THEMIS: variants seen among roughly 807,000 people sequenced by gnomAD.
THEMIS encodes the protein protein THEMIS.
THEMIS carries 37 observed loss-of-function variants against 52.6 expected under a neutral mutation model. That is an observed-to-expected ratio of 0.70 (90% CI 0.54 to 0.93). THEMIS has a LOEUF of 0.93. Ranked by LOEUF, THEMIS falls within the 40% of genes least tolerant of loss-of-function variation. The pLI is 0.00. For synonymous variants in THEMIS, 292 were observed against 272.7 expected (o/e 1.07, Z -0.70); for missense variants, 808 against 763.1 (o/e 1.06, Z -0.69).
chr6:127,906,675 A>G (rs1418856750), intron 1 of THEMIS, among the ~76,000 whole-genome samples: 1 of 151,800 alleles, frequency 6.6e-6, no homozygotes, highest in Non-Finnish European at 1.5e-5. Context: ...TTCCTGTTGG[A>G]AAAAAAATAT....
At chr6:127,869,991 G>A (rs1410463834) in intron 1 of THEMIS, among the ~76,000 whole-genome samples, 1 of 152,010 alleles carries the variant, frequency 6.6e-6, no homozygotes, top group East Asian at 1.9e-4. Flanking sequence ...TTTTTTGCTT[G>A]GGTGGTGTCA....
At chr6:127,798,275 T>C (rs1295885325) in intron 4 of THEMIS, among the ~76,000 whole-genome samples, 3 of 152,248 alleles carry the variant, frequency 2.0e-5, no homozygotes, top group Admixed American at 2.0e-4. Flanking sequence ...ACAGTGGATC[T>C]TATTTTAAAG....
At chr6:127,847,294 C>A (rs1442243672) in intron 2 of THEMIS, among the ~76,000 whole-genome samples, 1 of 151,742 alleles carries the variant, frequency 6.6e-6, no homozygotes. Context: ...AGCAATTAGA[C>A]CAGAGAAAGA....
upstream of THEMIS, chr6:127,901,068 G>T (rs41285274): frequency 1.5e-5 from 11 of 714,178 alleles, no homozygotes; most frequent in Non-Finnish European, 2.2e-5. Flanking sequence ...CAGCCAGAGT[G>T]GGGTGGAGTA....
At chr6:127,837,124 T>C (rs1051979786) in intron 2 of THEMIS, among the ~76,000 whole-genome samples, 2 of 152,058 alleles carry the variant, frequency 1.3e-5, no homozygotes, top group African/African-American at 4.8e-5. Flanking sequence ...CAGCCCTGGA[T>C]ATGGCCGTCC....
intron 2 of THEMIS, among the ~76,000 whole-genome samples, chr6:127,841,748 T>C (rs961589868): frequency 6.6e-6 from 1 of 151,986 alleles, no homozygotes; most frequent in African/African-American, 2.4e-5. Context: ...GAAATAGATC[T>C]TAAAATTATT....
intron 4 of THEMIS, among the ~76,000 whole-genome samples, chr6:127,730,448 CGAAA>C (rs3057171): frequency 0.57 from 73,407 of 128,982 alleles, 19,937 homozygotes; most frequent in East Asian, 0.88. Flanking sequence ...AGAGAACAAA[CGAAA>C]GAAAGAAAGA....
intron 2 of THEMIS, among the ~76,000 whole-genome samples, chr6:127,832,870 G>A (rs146614130): frequency 0.015 from 1,926 of 125,738 alleles, 50 homozygotes; most frequent in African/African-American, 0.055. Context: ...TGCAAACTCC[G>A]ACTCCCAGGT....
chr6:127,889,769 A>G (rs1399452721), intron 1 of THEMIS, among the ~76,000 whole-genome samples: 1 of 152,120 alleles, frequency 6.6e-6, no homozygotes, highest in Non-Finnish European at 1.5e-5. Context: ...AAAATGAGTT[A>G]AAGGAATTGT....
the THEMIS span, among the ~76,000 whole-genome samples, chr6:127,703,034 A>ATTTT: frequency 1.8e-5 from 1 of 55,212 alleles, no homozygotes; most frequent in African/African-American, 5.6e-5. Flanking sequence ...CTTTAGAATG[A>ATTTT]GTTTTTTTTT....
chr6:127,768,937 T>C (rs1192311330), intron 4 of THEMIS, among the ~76,000 whole-genome samples: 2 of 152,190 alleles, frequency 1.3e-5, no homozygotes, highest in African/African-American at 4.8e-5. Context: ...ACACTGATGA[T>C]CTTACAACCT....
downstream of THEMIS, chr6:127,708,198 A>G (rs1366094866): frequency 6.6e-6 from 1 of 152,116 alleles, no homozygotes; most frequent in East Asian, 1.9e-4. Flanking sequence ...AACACATACA[A>G]ATAAAAATTA....
intron 1 of THEMIS, among the ~76,000 whole-genome samples, chr6:127,888,289 G>T (rs1418559741): frequency 3.3e-5 from 5 of 151,982 alleles, no homozygotes; most frequent in Non-Finnish European, 5.9e-5. Flanking sequence ...TTTTAACAGA[G>T]GAGTGACATA....
chr6:127,732,982 T>G (rs1774863822), intron 4 of THEMIS, among the ~76,000 whole-genome samples: 1 of 152,230 alleles, frequency 6.6e-6, no homozygotes, highest in Admixed American at 6.5e-5. Context: ...ATATTCTTGC[T>G]AAGACTTGGT....
intron 4 of THEMIS, among the ~76,000 whole-genome samples, chr6:127,793,395 AG>A (rs764986434): frequency 3.3e-5 from 5 of 152,312 alleles, no homozygotes; most frequent in Non-Finnish European, 5.9e-5. Flanking sequence ...ACTGAAGTGG[AG>A]GAGTTGTGAT....
intron 1 of THEMIS, among the ~76,000 whole-genome samples, chr6:127,861,783 C>CAAAAAAAAAAAAAAAAAAAAAAAAAAAAA (rs1225783673): frequency 7.3e-5 from 7 of 95,698 alleles, no homozygotes; most frequent in African/African-American, 1.5e-4. Flanking sequence ...GACTCCATCT[C>CAAAAAAAAAAAAAAAAAAAAAAAAAAAAA]AAAAAAAAAA....
At chr6:127,779,255 G>A (rs1268535528) in intron 4 of THEMIS, among the ~76,000 whole-genome samples, 1 of 152,068 alleles carries the variant, frequency 6.6e-6, no homozygotes, top group Non-Finnish European at 1.5e-5. Flanking sequence ...TCCTTCTTTA[G>A]GCATTAAACA....
intron 1 of THEMIS, among the ~76,000 whole-genome samples, chr6:127,872,635 A>G (rs1780192210): frequency 6.6e-6 from 1 of 152,148 alleles, no homozygotes; most frequent in South Asian, 2.1e-4. Context: ...AGGATAATCT[A>G]TAAAACAAAC....
Position 127,709,146 on chromosome 6 carries a change from T to C in THEMIS, c.*839A>G, listed in dbSNP as rs1390476444. 6.6e-6 allele frequency: 1 copy of C among 152,068 alleles called. No individual in the cohort carries two copies. The highest frequency in any genetic ancestry group is 1.5e-5 in the Non-Finnish European group (1 of 67,978). 9.4% of individuals were successfully genotyped at this position (152,068 alleles called of 1,614,324 possible). On this transcript the variant is annotated 3_prime_UTR_variant, in exon 6 of 6. Coordinates refer to ENST00000368248, the MANE Select transcript of THEMIS (RefSeq NM_001010923.3). The stretch of plus-strand genomic sequence containing the variant: ...CTGATGTATACTAATTAAGAATCAC[T>C]TTGGTTTCTTGTCAGCCAAATTTAT...
Sources: gnomAD v4.1 joint callset for allele counts (sites outside exome capture counted in the v4.1 genomes callset) on GRCh38, gnomAD v4.1.1 for gene constraint, MANE v1.5 for transcripts, NCBI Gene and HGNC (gene_info 2026-07-23, HGNC 2026-07-21) for gene names.